Variants in PTPRH observed in about 807,000 individuals in gnomAD.
The protein encoded by PTPRH is protein tyrosine phosphatase receptor type H.
Under a neutral mutation model 130.2 loss-of-function variants are expected in PTPRH, and 113 were observed. The observed-to-expected ratio is 0.87, with a 90% CI of 0.75 to 1.01. The LOEUF is 1.01. Ranked by LOEUF, PTPRH falls within the 50% of genes least tolerant of loss-of-function variation. The pLI, the probability that PTPRH is intolerant of heterozygous loss-of-function variation, is 0.00. For missense variants in PTPRH, 1,430 were observed against 1,425.0 expected (o/e 1.00, Z -0.06); for synonymous variants, 556 against 577.9 (o/e 0.96, Z 0.54).
chr19:55,199,815 AAG>A (rs900860577), intron 7 of PTPRH, among the ~76,000 whole-genome samples: 2 of 150,206 alleles, frequency 1.3e-5, no homozygotes, highest in South Asian at 2.1e-4. Flanking sequence ...GAAGGAAAGA[AAG>A]AGAAAGAGAG....
chr19:55,208,405 G>A (rs1487171828), intron 1 of PTPRH, among the ~76,000 whole-genome samples: 5 of 9,312 alleles, frequency 5.4e-4, no homozygotes, highest in African/African-American at 1.3e-3. Flanking sequence ...CTGAGTCTGA[G>A]GGAGGAGGGG....
chr19:55,189,848 G>T, intron 12 of PTPRH: 1 of 421,666 alleles, frequency 2.4e-6, no homozygotes, highest in Non-Finnish European at 4.8e-6. Context: ...TAAAAAATTA[G>T]CCAGGCATTG....
chr19:55,187,127 C>A (rs1246216700), intron 14 of PTPRH, among the ~76,000 whole-genome samples: 1 of 150,856 alleles, frequency 6.6e-6, no homozygotes, highest in Non-Finnish European at 1.5e-5. Context: ...GGGCAGATCA[C>A]AAGGTCAGGA....
In PTPRH at chr19:55,197,334, G is replaced by A. The variant is rs1476972126; in HGVS notation, c.1773C>T (p.Pro591=). 5.6e-6 allele frequency: 9 copies of A among 1,614,214 alleles called. No homozygotes were observed. The highest frequency in any genetic ancestry group is 5.9e-6 in the Non-Finnish European group (7 of 1,180,034). ...VMLWWKAPGD[P]HSQLYVYWVQ... Reference sequence around the variant, plus strand: ...CCCAGTATACGTACAACTGAGAGTGGGGGTCTCCAGGGGCCTTCCACCACA... The same window carrying A: ...CCCAGTATACGTACAACTGAGAGTGAGGGTCTCCAGGGGCCTTCCACCACA... Residue 591 remains proline (P), a synonymous_variant, in exon 9 of 20, where the codon CCC becomes CCT. Transcript: ENST00000376350.
At chr19:55,186,088 T>C (rs772250958) in intron 16 of PTPRH, 104 bp from the exon 17 acceptor site, 12 of 1,590,868 alleles carry the variant, frequency 7.5e-6, no homozygotes, top group African/African-American at 1.3e-5. Flanking sequence ...GGGGGGAGAG[T>C]GGGGAACAGG....
intron 12 of PTPRH, 64 bp downstream of exon 12, chr19:55,191,437 G>A: frequency 6.3e-7 from 1 of 1,579,140 alleles, no homozygotes; most frequent in Non-Finnish European, 8.7e-7. Flanking sequence ...CTAGCTGGCA[G>A]CCAGCAAACA....
In PTPRH at chr19:55,197,436, G is replaced by A; in HGVS notation, c.1691-20C>T. On this transcript the variant is annotated intron_variant, in intron 8 of 19. Coordinates refer to ENST00000376350, the MANE Select transcript of PTPRH (RefSeq NM_002842.5). ...TGGGAGCTGAGAAGTGAGAACAGAG[G>A]CCTAAGGGGGTATCCTCGAAGACCC... The A allele has an allele frequency of 5.0e-6, 8 of 1,599,050 alleles. No individual in the cohort carries two copies. The highest frequency in any genetic ancestry group is 6.0e-6 in the Non-Finnish European group (7 of 1,168,620).
intron 6 of PTPRH, among the ~76,000 whole-genome samples, chr19:55,201,373 GC>G (rs2086858816): frequency 6.6e-6 from 1 of 152,034 alleles, no homozygotes; most frequent in Non-Finnish European, 1.5e-5. Context: ...CGAGACTCCA[GC>G]TCTAAAAAAA....
chr19:55,187,187 T>C (rs904635838), intron 14 of PTPRH, among the ~76,000 whole-genome samples: 1 of 138,402 alleles, frequency 7.2e-6, no homozygotes, highest in Non-Finnish European at 1.6e-5. Flanking sequence ...CTACCAAAAA[T>C]ACAAAAAATT....
chr19:55,203,033 C>G (rs1489200446), intron 5 of PTPRH, among the ~76,000 whole-genome samples: 1 of 122,488 alleles, frequency 8.2e-6, no homozygotes, highest in African/African-American at 3.0e-5. Context: ...GACTCTGTCC[C>G]AAAAAAAAAA....
At chr19:55,194,213 T>A (rs1407246919) in intron 10 of PTPRH, 1 of 1,289,704 alleles carries the variant, frequency 7.8e-7, no homozygotes, top group Admixed American at 2.3e-5. Context: ...GATCTGTCAT[T>A]AGATGTCTCG....
chr19:55,193,004 G>A (rs1387033930), intron 10 of PTPRH, among the ~76,000 whole-genome samples: 1 of 151,742 alleles, frequency 6.6e-6, no homozygotes, highest in Non-Finnish European at 1.5e-5. Context: ...TGAGGTGGGT[G>A]GATCACTTGA....
At chr19:55,195,057 G>A (rs192860638) in intron 10 of PTPRH, among the ~76,000 whole-genome samples, 112 of 152,296 alleles carry the variant, frequency 7.4e-4, no homozygotes, top group Middle Eastern at 3.4e-3. Flanking sequence ...GGGCATGGTG[G>A]CTCATGCCTG....
chr19:55,194,969 C>T (rs145949117), intron 10 of PTPRH, among the ~76,000 whole-genome samples: 3 of 152,302 alleles, frequency 2.0e-5, no homozygotes, highest in Non-Finnish European at 4.4e-5. Flanking sequence ...AGGAGGATTA[C>T]TTCAGGTCAG....
At chr19:55,185,401 C>G in intron 18 of PTPRH, 101 bp downstream of exon 18, 1 of 1,326,032 alleles carries the variant, frequency 7.5e-7, no homozygotes, top group Non-Finnish European at 1.0e-6. Context: ...TTCTCTCCCT[C>G]TTCACCTCCC....
intron 12 of PTPRH, 44 bp downstream of exon 12, chr19:55,191,457 T>C (rs2086532121): frequency 1.2e-6 from 2 of 1,608,058 alleles, no homozygotes; most frequent in African/African-American, 2.7e-5. Context: ...ACCCCTTGAT[T>C]TGACCAGATT....
chr19:55,181,833 T>G lies in PTPRH; in HGVS notation c.3269A>C (p.Lys1090Thr). ...TTCGACATCCTCATACGGGACTTCCTTCTCGGCTGGGGCCTGGGCTGACTG... is the reference window on the plus strand; with the variant it reads ...TTCGACATCCTCATACGGGACTTCCGTCTCGGCTGGGGCCTGGGCTGACTG... ...LQQSAQAPAE[K>T]EVPYEDVENL... is the part of the protein sequence containing the mutation. The change falls in exon 20 of 20, where the codon AAG (lysine) becomes ACG (threonine). Residue 1090 changes from lysine to threonine, a missense_variant. Lys to Thr is a moderately conservative substitution (Grantham distance 78). Coordinates refer to ENST00000376350, the MANE Select transcript of PTPRH (RefSeq NM_002842.5). The G allele has an allele frequency of 1.9e-6, 3 of 1,614,172 alleles. No homozygotes were observed. The highest frequency in any genetic ancestry group is 2.5e-6 in the Non-Finnish European group (3 of 1,180,018).
chr19:55,187,141 C>G (rs2365731), intron 14 of PTPRH, among the ~76,000 whole-genome samples: 36 of 149,650 alleles, frequency 2.4e-4, no homozygotes, highest in South Asian at 1.7e-3. Flanking sequence ...GTCAGGAGAT[C>G]GAGACCATCC....
chr19:55,207,947 T>C (rs868321774), intron 1 of PTPRH, among the ~76,000 whole-genome samples: 12 of 29,840 alleles, frequency 4.0e-4, no homozygotes, highest in African/African-American at 3.7e-3. Context: ...GGGCTGGGGG[T>C]CTGGATTCCT....
Sources: allele counts gnomAD v4.1 joint callset (sites outside exome capture counted in the v4.1 genomes callset), GRCh38; gene constraint gnomAD v4.1.1; transcripts MANE v1.5; gene names NCBI Gene and HGNC (gene_info 2026-07-23, HGNC 2026-07-21).